The following ERC2 variants were observed in gnomAD, a reference collection of about 807,000 sequenced individuals.
ERC2 encodes ELKS/RAB6-interacting/CAST family member 2.
ERC2 carries 42 observed loss-of-function variants against 114.8 expected under a neutral mutation model. That is an observed-to-expected ratio of 0.37 (90% confidence interval 0.29 to 0.47). ERC2 has a LOEUF of 0.47. ERC2 is among the 20% of genes least tolerant of loss of function. ERC2 has a pLI of 0.99. For synonymous variants in ERC2, 454 were observed against 425.5 expected (o/e 1.07, Z -0.82); for missense variants, 939 against 1,150.7 (o/e 0.82, Z 2.66).
rs1362073020 is a variant in ERC2 at position 56,139,489 on chromosome 3, A to G, written c.1473+20T>C. On this transcript the variant is annotated intron_variant, in intron 6 of 17. Coordinates refer to ENST00000288221, the MANE Select transcript of ERC2 (RefSeq NM_015576.3). ...CAATTCAATGTCTCTGCTGTCTAGA[A>G]TCCTGAGAGAGTGCCTTACCTCAGT... The G allele has an allele frequency of 1.2e-6, 2 of 1,600,906 alleles. No individual in the cohort carries two copies. The highest frequency in any genetic ancestry group is 1.7e-6 in the Non-Finnish European group (2 of 1,172,474).
chr3:56,299,136 TTTG>T lies in ERC2; in HGVS notation c.658-2704_658-2702del, dbSNP rs1396376246. 4.0e-3 allele frequency among the ~76,000 whole-genome samples: 367 copies of T among 90,986 alleles called. 13 individuals are homozygous for T. The highest frequency in any genetic ancestry group is 0.011 in the African/African-American group (327 of 30,512). The allele number at this position is 90,986 out of a possible 152,430, so 59.7% of individuals were successfully genotyped here. ...TTTTTTTTGTTTTTTTTTTTGTTTG[TTTG>T]TTTTTTGAGACAGAGTCTCGTCCTG... On this transcript the variant is annotated intron_variant, in intron 2 of 17. Coordinates refer to ENST00000288221, the MANE Select transcript of ERC2 (RefSeq NM_015576.3).
intron 12 of ERC2, among the ~76,000 whole-genome samples, chr3:55,958,842 C>T (rs963145210): frequency 2.0e-5 from 3 of 152,194 alleles, no homozygotes; most frequent in Non-Finnish European, 4.4e-5. Flanking sequence ...CCTGTGGGCA[C>T]TGGGGGCTTC....
At chr3:56,223,034 C>A (rs1321239838) in intron 3 of ERC2, among the ~76,000 whole-genome samples, 1 of 152,228 alleles carries the variant, frequency 6.6e-6, no homozygotes, top group Non-Finnish European at 1.5e-5. Flanking sequence ...CTTCTCATGA[C>A]AGGAATGAAC....
chr3:56,358,176 C>T (rs1324962002), intron 2 of ERC2, among the ~76,000 whole-genome samples: 1 of 152,140 alleles, frequency 6.6e-6, no homozygotes, highest in East Asian at 1.9e-4. Flanking sequence ...TCCTCAGGTT[C>T]CTCATCTAGA....
intron 3 of ERC2, among the ~76,000 whole-genome samples, chr3:56,271,611 T>C (rs1289560780): frequency 6.6e-6 from 1 of 152,218 alleles, no homozygotes; most frequent in Non-Finnish European, 1.5e-5. Context: ...TCATTATTTT[T>C]TAACTTTTAT....
intron 17 of ERC2, among the ~76,000 whole-genome samples, chr3:55,665,094 G>A (rs1448424798): frequency 2.0e-5 from 3 of 152,192 alleles, no homozygotes; most frequent in Non-Finnish European, 2.9e-5. Flanking sequence ...CGGTGAAGGT[G>A]TAGAAGGTAG....
At chr3:56,046,455 G>C (rs2075465124) in intron 7 of ERC2, among the ~76,000 whole-genome samples, 2 of 152,150 alleles carry the variant, frequency 1.3e-5, no homozygotes, top group African/African-American at 4.8e-5. Context: ...TCATGAGAAA[G>C]CAAAGGGCAT....
chr3:55,873,464 G>GAT (rs1307066929), intron 14 of ERC2, among the ~76,000 whole-genome samples: 1 of 152,130 alleles, frequency 6.6e-6, no homozygotes, highest in Admixed American at 6.5e-5. Context: ...TAAATGAATT[G>GAT]ATATATATAA....
intron 14 of ERC2, among the ~76,000 whole-genome samples, chr3:55,758,440 A>C (rs2148988414): frequency 6.6e-6 from 1 of 152,288 alleles, no homozygotes; most frequent in Middle Eastern, 3.4e-3. Context: ...CCTTCTCAGA[A>C]CCACTTCTTC....
intron 11 of ERC2, among the ~76,000 whole-genome samples, chr3:55,987,944 C>CTA (rs1241087283): frequency 2.6e-5 from 4 of 152,186 alleles, no homozygotes; most frequent in Non-Finnish European, 5.9e-5. Context: ...TCTCCATCCT[C>CTA]TAGACAAATA....
intron 14 of ERC2, among the ~76,000 whole-genome samples, chr3:55,864,946 T>C (rs893289429): frequency 1.5e-4 from 23 of 152,192 alleles, no homozygotes; most frequent in Non-Finnish European, 3.1e-4. Flanking sequence ...ATCATTACCA[T>C]ATCTCCTGTT....
intron 16 of ERC2, among the ~76,000 whole-genome samples, chr3:55,695,420 G>A (rs1356148429): frequency 5.3e-5 from 8 of 152,178 alleles, no homozygotes; most frequent in Non-Finnish European, 8.8e-5. Context: ...GCTATTAAAA[G>A]CTTCTCTCTC....
At chr3:55,984,424 A>T (rs189618154) in intron 12 of ERC2, among the ~76,000 whole-genome samples, 2 of 152,330 alleles carry the variant, frequency 1.3e-5, no homozygotes. Context: ...CTGGATCTCA[A>T]GTGCTTCAAT....
intron 15 of ERC2, among the ~76,000 whole-genome samples, chr3:55,716,790 T>C (rs958436025): frequency 7.2e-5 from 11 of 152,232 alleles, no homozygotes; most frequent in African/African-American, 2.4e-4. Flanking sequence ...TCTCCAGTTA[T>C]ACCTTTCCTG....
chr3:55,892,896 C>A (rs2063678204), intron 13 of ERC2, among the ~76,000 whole-genome samples: 1 of 152,036 alleles, frequency 6.6e-6, no homozygotes, highest in Non-Finnish European at 1.5e-5. Context: ...TGTTTACGTA[C>A]CCCCACAATT....
At chr3:56,011,991 T>C (rs1295670757) in intron 8 of ERC2, among the ~76,000 whole-genome samples, 1 of 152,186 alleles carries the variant, frequency 6.6e-6, no homozygotes, top group African/African-American at 2.4e-5. Context: ...TTTCCAATTA[T>C]TTAAAAACAC....
intron 17 of ERC2, among the ~76,000 whole-genome samples, chr3:55,525,147 G>A (rs965540070): frequency 6.6e-6 from 1 of 152,206 alleles, no homozygotes; most frequent in African/African-American, 2.4e-5. Flanking sequence ...CAATGGTAGG[G>A]TGTCAAGAGC....
intron 2 of ERC2, among the ~76,000 whole-genome samples, chr3:56,416,181 A>G (rs553573201): frequency 6.6e-6 from 1 of 152,300 alleles, no homozygotes; most frequent in South Asian, 2.1e-4. Flanking sequence ...TTTTTGATGT[A>G]CCAAGCAGTC....
intron 6 of ERC2, among the ~76,000 whole-genome samples, chr3:56,124,376 C>G (rs1331616871): frequency 6.6e-6 from 1 of 152,078 alleles, no homozygotes; most frequent in Non-Finnish European, 1.5e-5. Context: ...AGTATAACAC[C>G]CAGGATAAGG....
Sources: gnomAD v4.1 joint callset for allele counts (sites outside exome capture counted in the v4.1 genomes callset) on GRCh38, gnomAD v4.1.1 for gene constraint, MANE v1.5 for transcripts, NCBI Gene and HGNC (gene_info 2026-07-23, HGNC 2026-07-21) for gene names.